Variants in PIEZO2 observed in about 807,000 individuals in gnomAD.
The protein encoded by PIEZO2 is piezo-type mechanosensitive ion channel component 2.
PIEZO2 carries 172 observed loss-of-function variants against 337.3 expected under a neutral mutation model. The observed-to-expected ratio is 0.51, with a 90% CI of 0.45 to 0.58. The LOEUF is 0.58. PIEZO2 is among the 20% of genes least tolerant of loss of function. The probability of loss-of-function intolerance (pLI) is 0.00; values close to 1 mark genes in which losing one functional copy is unlikely to be tolerated. For synonymous variants in PIEZO2, 1,251 were observed against 1,228.5 expected, an observed-to-expected ratio of 1.02 and a Z score of -0.38; for missense variants, 3,028 against 3,391.3, an observed-to-expected ratio of 0.89 and a Z score of 2.66.
At chr18:11,090,863 G>C (rs1441515905) in intron 1 of PIEZO2, among the ~76,000 whole-genome samples, 1 of 148,882 alleles carries the variant, frequency 6.7e-6, no homozygotes, top group Non-Finnish European at 1.5e-5. Flanking sequence ...GCAGTGAGCC[G>C]AGATCGCGCC....
In PIEZO2 at chr18:11,019,299, A is replaced by C. The variant is rs2036231154; in HGVS notation, c.161-39639T>G. Among the ~76,000 whole-genome samples, 4 of 152,354 alleles carry C rather than the reference A, an allele frequency of 2.6e-5. No individual in the cohort carries two copies. The South Asian group carries it at 8.3e-4, about 32-fold the overall frequency. Reference sequence around the variant, plus strand: ...CCTAATCCGCTACTTAAAATGCTTTAGGGCTTCTCCTAGACTGGAAAATAA... The same window carrying C: ...CCTAATCCGCTACTTAAAATGCTTTCGGGCTTCTCCTAGACTGGAAAATAA... On this transcript the variant is annotated intron_variant, in intron 2 of 55. Transcript: ENST00000674853.
chr18:10,868,928 T>A (rs11663280), intron 5 of PIEZO2, among the ~76,000 whole-genome samples: 58,494 of 152,018 alleles, frequency 0.38, 11,368 homozygotes, highest in African/African-American at 0.45. Flanking sequence ...TTTGTAAATC[T>A]TTCATGGTTA....
chr18:10,987,396 G>T (rs549465594), intron 2 of PIEZO2, among the ~76,000 whole-genome samples: 1 of 152,000 alleles, frequency 6.6e-6, no homozygotes, highest in South Asian at 2.1e-4. Flanking sequence ...GACCTGAGAA[G>T]TTAACCCACA....
chr18:10,825,521 T>G (rs1240936934), intron 7 of PIEZO2, among the ~76,000 whole-genome samples: 2 of 74,256 alleles, frequency 2.7e-5, no homozygotes, highest in African/African-American at 1.2e-4. Context: ...GAAGTTGCTC[T>G]TTTTTTTTCC....
rs142903434 is a variant in PIEZO2 at position 10,853,939 on chromosome 18, T to G, written c.917+1414A>C. Reference sequence around the variant, plus strand: ...TCTCCAATTTAACCCCAAAAAAGTTTTAAGAATTTGTTGTTGAACCAGGAT... The same window carrying G: ...TCTCCAATTTAACCCCAAAAAAGTTGTAAGAATTTGTTGTTGAACCAGGAT... On this transcript the variant is annotated intron_variant, in intron 7 of 55. Transcript: ENST00000674853. This position sits in a 1 kb window ranked among gnomAD's most constrained non-coding sequence, Gnocchi z 4.2. 2.1e-4 allele frequency among the ~76,000 whole-genome samples: 32 copies of G among 152,330 alleles called. No individual in the cohort carries two copies. The highest frequency in any genetic ancestry group is 7.5e-4 in the African/African-American group (31 of 41,574).
intron 47 of PIEZO2, among the ~76,000 whole-genome samples, chr18:10,691,782 CATAT>C (rs33977962): frequency 0.47 from 45,912 of 97,102 alleles, 11,336 homozygotes; most frequent in East Asian, 0.62. Context: ...CACACACACA[CATAT>C]ATATATATAT....
Position 10,952,609 on chromosome 18 carries a change from T to C in PIEZO2, c.286+26926A>G, listed in dbSNP as rs1284119593. 6.6e-6 allele frequency among the ~76,000 whole-genome samples: 1 copy of C among 152,204 alleles called. No homozygotes were observed. The highest frequency in any genetic ancestry group is 1.5e-5 in the Non-Finnish European group (1 of 68,036). On this transcript the variant is annotated intron_variant, in intron 3 of 55. Transcript: ENST00000674853. This position sits in a 1 kb window ranked among gnomAD's most constrained non-coding sequence, Gnocchi z 4.1. ...CCAAGTTTGCTGAAAGACATTGAAGTTGCTTCCAGTTGGGGCAATGACGAA... is the reference window on the plus strand; with the variant it reads ...CCAAGTTTGCTGAAAGACATTGAAGCTGCTTCCAGTTGGGGCAATGACGAA...
At chr18:10,732,730 C>A (rs1251526205) in intron 35 of PIEZO2, among the ~76,000 whole-genome samples, 1 of 152,120 alleles carries the variant, frequency 6.6e-6, no homozygotes, top group African/African-American at 2.4e-5. Flanking sequence ...TTCAGGAGGA[C>A]TGAATAAAGG....
chr18:10,841,785 G>A (rs1460119494), intron 7 of PIEZO2, among the ~76,000 whole-genome samples: 1 of 152,120 alleles, frequency 6.6e-6, no homozygotes, highest in Non-Finnish European at 1.5e-5. Flanking sequence ...AATTATAAAA[G>A]CTAATAGTAT....
Position 10,698,911 on chromosome 18 carries a change from G to C in PIEZO2, c.6694+14C>G. 1 of 1,536,036 alleles carries C rather than the reference G, an allele frequency of 6.5e-7. No homozygotes were observed. The highest frequency in any genetic ancestry group is 8.7e-7 in the Non-Finnish European group (1 of 1,146,874). On this transcript the variant is annotated intron_variant, in intron 44 of 55. Transcript: ENST00000674853. ...GAGCTAACTACAGCCTAGATATATT[G>C]TGTCGACAGATACCTCTTTGGGATC...
At chr18:10,797,839 G>A (rs1247127287) in intron 11 of PIEZO2, among the ~76,000 whole-genome samples, 1 of 152,222 alleles carries the variant, frequency 6.6e-6, no homozygotes, top group African/African-American at 2.4e-5. Context: ...CTCCTCGAGT[G>A]TGGGTGGGAC....
In PIEZO2 at chr18:10,980,962, G is replaced by A. The variant is rs571168267; in HGVS notation, c.161-1302C>T. 1.2e-3 allele frequency among the ~76,000 whole-genome samples: 179 copies of A among 152,224 alleles called. No homozygotes were observed. The highest frequency in any genetic ancestry group is 1.7e-3 in the Non-Finnish European group (117 of 68,016). On this transcript the variant is annotated intron_variant, in intron 2 of 55. Transcript: ENST00000674853. The surrounding 1 kb of genome is among the most constrained non-coding windows in gnomAD (Gnocchi z 4.8). ...CCACTAGAAGGCCAGAAAACTAGTC[G>A]GAGGTGTGTGTGTAAGTGAGAGAGA...
At chr18:11,118,212 C>A (rs1381858374) in intron 1 of PIEZO2, among the ~76,000 whole-genome samples, 2 of 152,218 alleles carry the variant, frequency 1.3e-5, no homozygotes, top group East Asian at 3.8e-4. Flanking sequence ...GCAAACAGCC[C>A]ATGGTCCACA....
intron 5 of PIEZO2, among the ~76,000 whole-genome samples, chr18:10,869,904 CTCGCTCTG>C (rs200823781): frequency 0.014 from 2,085 of 152,254 alleles, 52 homozygotes; most frequent in African/African-American, 0.048. Context: ...AAGACAGAGT[CTCGCTCTG>C]TCACCCAGAC....
intron 3 of PIEZO2, among the ~76,000 whole-genome samples, chr18:10,920,490 T>C (rs1402173646): frequency 2.0e-5 from 3 of 152,286 alleles, no homozygotes; most frequent in East Asian, 3.9e-4. Flanking sequence ...GTGGGTAGTA[T>C]GTGACATTAA....
At chr18:11,130,891 G>A (rs573092828) in intron 1 of PIEZO2, among the ~76,000 whole-genome samples, 7 of 152,318 alleles carry the variant, frequency 4.6e-5, no homozygotes, top group Admixed American at 2.6e-4. Context: ...ACAGAACAGG[G>A]GAAGGCTCTG....
intron 1 of PIEZO2, among the ~76,000 whole-genome samples, chr18:11,147,500 C>A (rs1486162712): frequency 2.0e-5 from 3 of 152,224 alleles, no homozygotes; most frequent in African/African-American, 7.2e-5. Context: ...TGATCAACCT[C>A]GGTCAAGATG....
intron 40 of PIEZO2, among the ~76,000 whole-genome samples, chr18:10,706,905 C>G (rs16975239): frequency 0.29 from 43,454 of 152,068 alleles, 6,343 homozygotes; most frequent in East Asian, 0.4. Context: ...CTGAGATTCT[C>G]AAATGCATAG....
chr18:11,059,536 G>A (rs1359537945), intron 2 of PIEZO2, among the ~76,000 whole-genome samples: 1 of 152,124 alleles, frequency 6.6e-6, no homozygotes, highest in African/African-American at 2.4e-5. Flanking sequence ...GACACACATA[G>A]GCTCAAAATA....
Sources: gnomAD v4.1 joint callset for allele counts (sites outside exome capture counted in the v4.1 genomes callset) on GRCh38, gnomAD v4.1.1 for gene constraint, Gnocchi (gnomAD v3.1) non-coding constraint, MANE v1.5 for transcripts, NCBI Gene and HGNC (gene_info 2026-07-23, HGNC 2026-07-21) for gene names.